The following PIP5K1C variants were observed in gnomAD, a reference collection of about 807,000 sequenced individuals.
PIP5K1C encodes phosphatidylinositol 4-phosphate 5-kinase type-1 gamma.
Under a neutral mutation model 80.1 loss-of-function variants are expected in PIP5K1C, and 45 were observed. The observed-to-expected ratio is 0.56, with a 90% CI of 0.44 to 0.72. The LOEUF (loss-of-function observed/expected upper bound fraction) is 0.72. PIP5K1C is among the 30% of genes least tolerant of loss of function. The pLI is 0.00. For missense variants in PIP5K1C, 753 were observed against 954.6 expected (o/e 0.79, Z 2.78); for synonymous variants, 498 against 420.1 (o/e 1.19, Z -2.27).
At chr19:3,690,272 G>A (rs2035907675) in intron 1 of PIP5K1C, among the ~76,000 whole-genome samples, 1 of 152,056 alleles carries the variant, frequency 6.6e-6, no homozygotes, top group African/African-American at 2.4e-5. Flanking sequence ...CAAGGCAAGA[G>A]GATCACTTGA....
intron 1 of PIP5K1C, chr19:3,674,053 C>T (rs2035287963): frequency 6.6e-6 from 1 of 152,240 alleles, no homozygotes; most frequent in East Asian, 1.9e-4. Flanking sequence ...GCACTTCTCA[C>T]TGTGCCTCTG....
intron 1 of PIP5K1C, among the ~76,000 whole-genome samples, chr19:3,680,631 G>A (rs1010620894): frequency 3.9e-5 from 6 of 152,226 alleles, no homozygotes; most frequent in African/African-American, 1.2e-4. Context: ...ATAAGAAAAG[G>A]TTTTAAGCAC....
At chr19:3,658,953 G>A (rs760083719) in intron 5 of PIP5K1C, among the ~76,000 whole-genome samples, 33 of 152,212 alleles carry the variant, frequency 2.2e-4, no homozygotes, top group Admixed American at 3.9e-4. Context: ...CAGCTGCGCC[G>A]CTGACCTTGG....
At chr19:3,677,055 C>G (rs951400946) in intron 1 of PIP5K1C, among the ~76,000 whole-genome samples, 3 of 151,910 alleles carry the variant, frequency 2.0e-5, no homozygotes, top group African/African-American at 7.3e-5. Flanking sequence ...TGAGCTATGA[C>G]TGCACCACTG....
intron 3 of PIP5K1C, among the ~76,000 whole-genome samples, chr19:3,662,923 G>A (rs1264447548): frequency 6.6e-6 from 1 of 152,118 alleles, no homozygotes; most frequent in East Asian, 1.9e-4. Context: ...ATGCAGTGGT[G>A]CGATCTTGGA....
intron 1 of PIP5K1C, among the ~76,000 whole-genome samples, chr19:3,683,949 C>T (rs111984963): frequency 1.4e-3 from 208 of 146,722 alleles, no homozygotes; most frequent in South Asian, 5.7e-3. Context: ...CTGGAGCCCC[C>T]GCTTCCTCTC....
At chr19:3,659,285 G>A (rs891958846) in intron 5 of PIP5K1C, among the ~76,000 whole-genome samples, 4 of 152,182 alleles carry the variant, frequency 2.6e-5, no homozygotes, top group South Asian at 2.1e-4. Flanking sequence ...GCTCAGCACC[G>A]GAGGCCCCCA....
In PIP5K1C at chr19:3,654,420, G is replaced by A. The variant is rs543457922; in HGVS notation, c.622-831C>T. On this transcript the variant is annotated intron_variant, in intron 6 of 17. Transcript: ENST00000335312. ...AGAGGAGTGAGGGGCGCGGACTCAG[G>A]CACCAGCCTGGGCAGGCTAGGTGAA... 1.1e-4 allele frequency among the ~76,000 whole-genome samples: 16 copies of A among 152,350 alleles called. No homozygotes were observed. In the South Asian group the frequency reaches 3.3e-3, roughly 32 times the overall value.
chr19:3,671,624 C>G (rs1194182252), intron 1 of PIP5K1C, among the ~76,000 whole-genome samples: 2 of 152,172 alleles, frequency 1.3e-5, no homozygotes, highest in Non-Finnish European at 2.9e-5. Flanking sequence ...TTGGGGGACC[C>G]CAGGGAAAAT....
chr19:3,665,985 C>T (rs1028681887), intron 2 of PIP5K1C, among the ~76,000 whole-genome samples: 5 of 152,162 alleles, frequency 3.3e-5, no homozygotes, highest in Non-Finnish European at 7.4e-5. Context: ...CCACAGCCGA[C>T]GCTGCTCAGC....
At chr19:3,657,627 G>A (rs1324660141) in intron 5 of PIP5K1C, among the ~76,000 whole-genome samples, 1 of 152,104 alleles carries the variant, frequency 6.6e-6, no homozygotes, top group Admixed American at 6.5e-5. Context: ...GTGGTGGCGA[G>A]CAGAAGCGAG....
intron 1 of PIP5K1C, among the ~76,000 whole-genome samples, chr19:3,685,612 C>T (rs1251715764): frequency 6.6e-6 from 1 of 151,940 alleles, no homozygotes; most frequent in African/African-American, 2.4e-5. Flanking sequence ...CGCCTGTAGT[C>T]CCAGCTACTC....
chr19:3,679,970 G>C (rs1192228481), intron 1 of PIP5K1C, among the ~76,000 whole-genome samples: 2 of 152,250 alleles, frequency 1.3e-5, no homozygotes, highest in African/African-American at 4.8e-5. Context: ...GGCTATGGTG[G>C]GGTTTGGGGG....
chr19:3,641,657 G>T, intron 15 of PIP5K1C, 48 bp downstream of exon 15: 1 of 1,427,262 alleles, frequency 7.0e-7, no homozygotes, highest in Non-Finnish European at 9.8e-7. Flanking sequence ...GGCTCCTCTG[G>T]GCCCGCAGCA....
At chr19:3,689,047 C>G (rs1003336975) in intron 1 of PIP5K1C, among the ~76,000 whole-genome samples, 6 of 152,096 alleles carry the variant, frequency 3.9e-5, no homozygotes, top group African/African-American at 1.4e-4. Flanking sequence ...TTCTTAGGAT[C>G]TCACTCTGTC....
At chr19:3,633,885 G>A (rs143593781) in intron 16 of PIP5K1C, among the ~76,000 whole-genome samples, 4,649 of 152,226 alleles carry the variant, frequency 0.031, 105 homozygotes, top group Non-Finnish European at 0.044. Context: ...CCCCACCACA[G>A]CCCCCAATCC....
intron 1 of PIP5K1C, among the ~76,000 whole-genome samples, chr19:3,668,107 G>T (rs1275233946): frequency 1.3e-5 from 2 of 152,096 alleles, no homozygotes; most frequent in African/African-American, 4.8e-5. Flanking sequence ...CGCAGCTCCA[G>T]AGAGGACAAC....
intron 2 of PIP5K1C, among the ~76,000 whole-genome samples, 188 bp downstream of exon 2, chr19:3,667,134 A>T (rs2035038654): frequency 1.3e-5 from 2 of 152,090 alleles, no homozygotes; most frequent in Non-Finnish European, 2.9e-5. Context: ...CCATCACGGA[A>T]TTTCACCCCG....
chr19:3,669,608 A>G (rs776829989), intron 1 of PIP5K1C: 1 of 152,268 alleles, frequency 6.6e-6, no homozygotes, highest in African/African-American at 2.4e-5. Context: ...ATGACGCGGA[A>G]AGAGATGCTC....
Sources: allele counts gnomAD v4.1 joint callset (sites outside exome capture counted in the v4.1 genomes callset), GRCh38; gene constraint gnomAD v4.1.1; transcripts MANE v1.5; gene names NCBI Gene and HGNC (gene_info 2026-07-23, HGNC 2026-07-21).